Variants in CLCNKA observed in about 807,000 individuals in gnomAD.
CLCNKA encodes the protein chloride channel protein ClC-Ka.
A neutral mutation model predicts 83.3 loss-of-function variants in CLCNKA; 66 were observed. That is an observed-to-expected ratio of 0.79 (90% CI 0.65 to 0.97). CLCNKA has a LOEUF of 0.97. Among genes scored for constraint, CLCNKA ranks in the 50% least tolerant of loss-of-function variants. The pLI is 0.00. For synonymous variants in CLCNKA, 357 were observed against 370.4 expected, an observed-to-expected ratio of 0.96 and a Z score of 0.42; for missense variants, 806 against 888.7, an observed-to-expected ratio of 0.91 and a Z score of 1.18.
chr1:16,032,471 G>A lies in CLCNKA; in HGVS notation c.1874G>A (p.Gly625Asp). The A allele has an allele frequency of 2.5e-6, 4 of 1,613,232 alleles. No individual in the cohort carries two copies. The highest frequency in any genetic ancestry group is 3.4e-6 in the Non-Finnish European group (4 of 1,179,886). ...QQCLQDILAR[G>D]CPTEPVTLTL... is the part of the protein sequence containing the mutation. ...TGTCTCCAGGACATCTTGGCCAGGG[G>A]CTGCCCCACGGAACCAGTGACCCTG... The change falls in exon 18 of 20, where the codon GGC becomes GAC. Residue 625 changes from glycine (G) to aspartate (D), a missense_variant. Gly to Asp is a moderately conservative substitution (Grantham distance 94, BLOSUM62 -1). Transcript: ENST00000331433.
chr1:16,026,058 G>A, intron 4 of CLCNKA, 50 bp from the exon 5 acceptor site: 11 of 1,611,534 alleles, frequency 6.8e-6, no homozygotes, highest in Non-Finnish European at 9.3e-6. Flanking sequence ...CTGGCAGAGA[G>A]TTTTAATCTA....
At chr1:16,028,558 C>G (rs765404194) in intron 10 of CLCNKA, 3 of 709,934 alleles carry the variant, frequency 4.2e-6, no homozygotes, top group Non-Finnish European at 7.6e-6. Flanking sequence ...CTCAGTCATA[C>G]CCAGTTGAGG....
Position 16,029,995 on chromosome 1 carries a change from C to T in CLCNKA, c.1328C>T (p.Ala443Val), listed in dbSNP as rs1434343898. The change falls in exon 14 of 20, where the codon GCT becomes GTT. Residue 443 changes from alanine (A) to valine (V), a missense_variant. Ala to Val is a moderately conservative substitution (Grantham distance 64). Transcript: ENST00000331433. Reference sequence around the variant, plus strand: ...GCCATCGGGCGCCTCTTGGGAGAGGCTCTTGCCGTCGCCTTCCCTGAGGGC... The same window carrying T: ...GCCATCGGGCGCCTCTTGGGAGAGGTTCTTGCCGTCGCCTTCCCTGAGGGC... ...GAAIGRLLGE[A>V]LAVAFPEGIV... 1.2e-6 allele frequency: 2 copies of T among 1,611,442 alleles called. No homozygotes were observed. Among genetic ancestry groups the T allele is most frequent in the Admixed American group, 1.7e-5 (1 of 60,018 alleles).
Position 16,027,483 on chromosome 1 carries a change from C to A in CLCNKA, c.781+48C>A, listed in dbSNP as rs367937508. The A allele has an allele frequency of 1.9e-6, 3 of 1,608,162 alleles. No individual in the cohort carries two copies. In the African/African-American group the frequency reaches 4.0e-5, roughly 22 times the overall value. On this transcript the variant is annotated intron_variant, in intron 8 of 19. Coordinates refer to ENST00000331433, the MANE Select transcript of CLCNKA (RefSeq NM_004070.4). ...CCCTGGCCCTGCCTGGGGGCCGGGG[C>A]GAGGGAGACCTCCCTTCTCCTCTGT...
rs41269165 is a variant in CLCNKA at position 16,024,991 on chromosome 1, C to G, written c.358+100C>G. Reference sequence around the variant, plus strand: ...ATCGGGAAGCTGCAGCCTCATTTCTCAAGCCCAGAAGAGTTATGTGGCTTG... The same window carrying G: ...ATCGGGAAGCTGCAGCCTCATTTCTGAAGCCCAGAAGAGTTATGTGGCTTG... On this transcript the variant is annotated intron_variant, in intron 4 of 19. Transcript: ENST00000331433. The G allele has an allele frequency of 0.046, 69,318 of 1,513,292 alleles. 1,913 individuals carry two copies. The highest frequency in any genetic ancestry group is 0.056 in the Non-Finnish European group (61,020 of 1,097,888). 93.7% of individuals were successfully genotyped at this position (1,513,292 alleles called of 1,614,324 possible).
At chr1:16,032,329 T>C (rs992599561) in intron 17 of CLCNKA, 38 bp downstream of exon 17, 1 of 516,182 alleles carries the variant, frequency 1.9e-6, no homozygotes, top group Non-Finnish European at 3.4e-6. Flanking sequence ...GGGGCGGGGG[T>C]GGGTCAGCAG....
At chr1:16,022,355 G>A (rs747481299) in intron 1 of CLCNKA, among the ~76,000 whole-genome samples, 4 of 152,190 alleles carry the variant, frequency 2.6e-5, no homozygotes, top group African/African-American at 9.6e-5. Context: ...GGGTGGGAGC[G>A]GTGTCCACAG....
In CLCNKA at chr1:16,028,692, G is replaced by A. The variant is rs77853106; in HGVS notation, c.969-69G>A. ...GGAGCTCTGCTGCTGCCTGGACCAG[G>A]TCCTACTTCCCTCTCCTCGGGATGT... is the stretch of plus-strand genomic sequence containing the variant. On this transcript the variant is annotated intron_variant, in intron 10 of 19. Transcript: ENST00000331433. 3.0e-3 allele frequency: 4,813 copies of A among 1,578,956 alleles called. 14 individuals carry two copies. Among genetic ancestry groups the A allele is most frequent in the Non-Finnish European group, 3.8e-3 (4,394 of 1,149,260 alleles).
intron 14 of CLCNKA, 96 bp downstream of exon 14, chr1:16,030,171 C>G: frequency 1.1e-6 from 1 of 911,536 alleles, no homozygotes; most frequent in Non-Finnish European, 1.7e-6. Flanking sequence ...GGAGCAGTCA[C>G]TGAGTCCTCC....
At chr1:16,033,536 G>A (rs1439826642) in intron 19 of CLCNKA, 75 bp from the exon 20 acceptor site, 2 of 1,200,586 alleles carry the variant, frequency 1.7e-6, no homozygotes, top group East Asian at 2.4e-5. Flanking sequence ...AACCTTAGGG[G>A]ACTAAAAATG....
Position 16,030,508 on chromosome 1 carries a change from C to T in CLCNKA, c.1456C>T (p.Leu486=), listed in dbSNP as rs1469680197. 1 of 1,613,086 alleles carries T rather than the reference C, an allele frequency of 6.2e-7. No homozygotes were observed. Residue 486 remains leucine, a synonymous_variant, in exon 15 of 20, where the codon CTG becomes TTG. Coordinates refer to ENST00000331433, the MANE Select transcript of CLCNKA (RefSeq NM_004070.4). Reference sequence around the variant, plus strand: ...TGTGACCCACACCATCTCCACGGCGCTGCTGGCCTTTGAGCTGACCGGCCA... The same window carrying T: ...TGTGACCCACACCATCTCCACGGCGTTGCTGGCCTTTGAGCTGACCGGCCA... ...GAVTHTISTA[L]LAFELTGQIV...
chr1:16,031,094 C>T (rs1201124891), intron 15 of CLCNKA, among the ~76,000 whole-genome samples: 4 of 152,182 alleles, frequency 2.6e-5, no homozygotes, highest in Non-Finnish European at 4.4e-5. Context: ...TGGAAATGGG[C>T]TTTGAAGTCC....
rs1368091695 is a variant in CLCNKA at position 16,029,116 on chromosome 1, C to T, written c.1054-10C>T. On this transcript the variant is annotated splice_polypyrimidine_tract_variant and intron_variant, in intron 11 of 19. Transcript: ENST00000331433. ...CCCCTCATGTCCAGTTCCCACCTGC[C>T]CCGCCACAGCTGTCCATGAAGCAGC... 3 of 1,610,480 alleles carry T rather than the reference C, an allele frequency of 1.9e-6. No individual in the cohort carries two copies. The highest frequency in any genetic ancestry group is 2.7e-5 in the African/African-American group (2 of 74,786).
intron 15 of CLCNKA, among the ~76,000 whole-genome samples, chr1:16,031,063 G>A (rs2022605648): frequency 6.6e-6 from 1 of 152,192 alleles, no homozygotes; most frequent in Non-Finnish European, 1.5e-5. Context: ...GGGACTTTGG[G>A]AGCAGGAGGT....
Position 16,030,489 on chromosome 1 carries a change from C to T in CLCNKA, c.1437C>T (p.Thr479=), listed in dbSNP as rs1314501272. 7.4e-6 allele frequency: 12 copies of T among 1,612,790 alleles called. No individual in the cohort carries two copies. Among genetic ancestry groups the T allele is most frequent in the South Asian group, 1.1e-5 (1 of 91,084 alleles). Residue 479 remains threonine (T), a synonymous_variant, in exon 15 of 20, where the codon ACC becomes ACT. Transcript: ENST00000331433. The part of the protein sequence containing the change: ...AGAAAFSGAV[T]HTISTALLAF... The stretch of plus-strand genomic sequence containing the variant: ...CTGCAGCCTTCTCAGGGGCTGTGAC[C>T]CACACCATCTCCACGGCGCTGCTGG...
At chr1:16,032,638 G>T (rs369921529) in intron 18 of CLCNKA, 112 bp downstream of exon 18, 1 of 824,126 alleles carries the variant, frequency 1.2e-6, no homozygotes, top group East Asian at 2.5e-5. Context: ...ATCTTATCCT[G>T]CTTCCTGCTC....
intron 4 of CLCNKA, among the ~76,000 whole-genome samples, chr1:16,025,682 G>C (rs1428373922): frequency 6.6e-6 from 1 of 151,888 alleles, no homozygotes; most frequent in Non-Finnish European, 1.5e-5. Flanking sequence ...GTGATACCCT[G>C]TCTCAAAGGA....
In CLCNKA at chr1:16,028,754, C is replaced by A. The variant is rs201309731; in HGVS notation, c.969-7C>A. ...GGCCAGCCCTAGAGCTCACCCACCC[C>A]CCACAGCAAGCCTGTGTACTCCGCT... On this transcript the variant is annotated splice_region_variant and splice_polypyrimidine_tract_variant and intron_variant, in intron 10 of 19. Coordinates refer to ENST00000331433, the MANE Select transcript of CLCNKA (RefSeq NM_004070.4). 1.9e-6 allele frequency: 3 copies of A among 1,614,124 alleles called. No homozygotes were observed. Among genetic ancestry groups the A allele is most frequent in the Middle Eastern group, 1.6e-4 (1 of 6,062 alleles).
intron 14 of CLCNKA, 84 bp from the exon 15 acceptor site, chr1:16,030,377 C>A: frequency 2.0e-6 from 3 of 1,534,266 alleles, no homozygotes; most frequent in Non-Finnish European, 2.7e-6. Context: ...TAGCCCCCGG[C>A]AGCAGCCAGG....
Sources: allele counts gnomAD v4.1 joint callset (sites outside exome capture counted in the v4.1 genomes callset), GRCh38; gene constraint gnomAD v4.1.1; transcripts MANE v1.5; gene names NCBI Gene and HGNC (gene_info 2026-07-23, HGNC 2026-07-21).